The following CTNNA3 variants were observed in gnomAD, a reference collection of about 807,000 sequenced individuals.
The protein encoded by CTNNA3 is catenin alpha 3, also known as catenin alpha-3.
Under a neutral mutation model 95.7 loss-of-function variants are expected in CTNNA3, and 76 were observed. That is an observed-to-expected ratio of 0.79 (90% CI 0.66 to 0.96). The LOEUF (loss-of-function observed/expected upper bound fraction) is 0.96, where lower values mean the gene tolerates loss of function less well. Ranked by LOEUF, CTNNA3 falls within the 40% of genes least tolerant of loss-of-function variation. CTNNA3 has a pLI of 0.00. For synonymous variants in CTNNA3, 431 were observed against 374.4 expected (o/e 1.15, Z -1.74); for missense variants, 1,191 against 1,089.8 (o/e 1.09, Z -1.31).
intron 11 of CTNNA3, among the ~76,000 whole-genome samples, chr10:66,472,045 G>T (rs918461878): frequency 6.6e-6 from 1 of 151,896 alleles, no homozygotes; most frequent in Non-Finnish European, 1.5e-5. Context: ...AGATTGTTTT[G>T]TATTTTGAAA....
intron 12 of CTNNA3, among the ~76,000 whole-genome samples, chr10:66,363,065 T>C (rs2092687878): frequency 6.6e-6 from 1 of 152,222 alleles, no homozygotes; most frequent in Non-Finnish European, 1.5e-5. Context: ...ACCATTGTAT[T>C]CCTTAAGCAT....
At chr10:66,632,446 T>G (rs1398411338) in intron 9 of CTNNA3, among the ~76,000 whole-genome samples, 1 of 151,400 alleles carries the variant, frequency 6.6e-6, no homozygotes, top group Non-Finnish European at 1.5e-5. Flanking sequence ...TCCCAGCTAC[T>G]TGGGAGGCCG....
At chr10:66,982,645 T>C (rs1850506487) in intron 7 of CTNNA3, among the ~76,000 whole-genome samples, 1 of 152,064 alleles carries the variant, frequency 6.6e-6, no homozygotes, top group Non-Finnish European at 1.5e-5. Context: ...GTTAACCTTG[T>C]GAGGTTATAT....
chr10:67,611,115 T>A (rs961915518), intron 2 of CTNNA3, among the ~76,000 whole-genome samples: 3 of 152,214 alleles, frequency 2.0e-5, no homozygotes, highest in African/African-American at 7.2e-5. Flanking sequence ...CCGGACATAT[T>A]TTCAATGGTG....
At chr10:67,568,243 T>C (rs1841873892) in intron 3 of CTNNA3, among the ~76,000 whole-genome samples, 1 of 151,672 alleles carries the variant, frequency 6.6e-6, no homozygotes, top group Non-Finnish European at 1.5e-5. Context: ...TTTTTTTTTT[T>C]GCAGTAGGAA....
intron 5 of CTNNA3, among the ~76,000 whole-genome samples, chr10:67,340,045 T>G (rs1842126446): frequency 6.6e-6 from 1 of 152,190 alleles, no homozygotes; most frequent in African/African-American, 2.4e-5. Flanking sequence ...AAAATAATAT[T>G]GTTCATTAAT....
In CTNNA3 at chr10:66,121,969, T is replaced by C. The variant is rs561822652; in HGVS notation, c.1885-18720A>G. Among the ~76,000 whole-genome samples, 8 of 152,340 alleles carry C rather than the reference T, an allele frequency of 5.3e-5. No homozygotes were observed. The East Asian group carries it at 9.6e-4, about 18-fold the overall frequency. ...AATTACAAATTAAAACATATTGCTA[T>C]GGTTTTGTTATAAATACTTAATCAC... On this transcript the variant is annotated intron_variant, in intron 13 of 17. Transcript: ENST00000433211.
rs2090372122 is a variant in CTNNA3, at chr10:66,247,291, T to G, written c.1884+33179A>C. ...ACAGTAAAATAGAACATGTGGTAGA[T>G]TTCTAAGGGTTTTGACTCTAATCCC... On this transcript the variant is annotated intron_variant, in intron 13 of 17. Transcript: ENST00000433211. 2.0e-5 allele frequency among the ~76,000 whole-genome samples: 3 copies of G among 152,064 alleles called. No homozygotes were observed. The South Asian group carries it at 6.2e-4, about 32-fold the overall frequency.
intron 14 of CTNNA3, among the ~76,000 whole-genome samples, chr10:66,101,981 T>C (rs112390959): frequency 0.022 from 3,299 of 152,266 alleles, 119 homozygotes; most frequent in African/African-American, 0.075. Context: ...ATCAACATTT[T>C]TTTTAAGGAA....
intron 13 of CTNNA3, among the ~76,000 whole-genome samples, chr10:66,218,288 T>TAATC (rs1199810711): frequency 1.3e-5 from 2 of 152,186 alleles, no homozygotes; most frequent in Non-Finnish European, 2.9e-5. Flanking sequence ...CAGCCTTGTG[T>TAATC]AATCCCCTCC....
Position 66,168,206 on chromosome 10 carries a change from T to C in CTNNA3, c.1885-64957A>G, listed in dbSNP as rs138602898. ...TACTTCTATTACTTTGTAGTTCTTA[T>C]ATTGTGTCACAAATGGAAACTCCCC... On this transcript the variant is annotated intron_variant, in intron 13 of 17. Coordinates refer to ENST00000433211, the MANE Select transcript of CTNNA3 (RefSeq NM_013266.4). 1.1e-3 allele frequency among the ~76,000 whole-genome samples: 168 copies of C among 152,312 alleles called. 2 individuals are homozygous for C. In the East Asian group the frequency reaches 0.027, roughly 25 times the overall value.
At chr10:67,601,928 C>A (rs554825745) in intron 3 of CTNNA3, among the ~76,000 whole-genome samples, 46 of 152,200 alleles carry the variant, frequency 3.0e-4, no homozygotes, top group African/African-American at 1.1e-3. Context: ...AACCAAAATA[C>A]CCACATTATT....
intron 7 of CTNNA3, among the ~76,000 whole-genome samples, chr10:67,120,398 A>G (rs1157852954): frequency 1.3e-5 from 2 of 151,998 alleles, no homozygotes; most frequent in African/African-American, 4.8e-5. Context: ...ATTTTATCAT[A>G]CACATAGACT....
chr10:66,291,136 T>C (rs761927550), intron 12 of CTNNA3, among the ~76,000 whole-genome samples: 2 of 152,184 alleles, frequency 1.3e-5, no homozygotes, highest in Admixed American at 6.6e-5. Context: ...ATGTGTGGTA[T>C]GTTGAGGCTT....
At position 66,431,789 on chromosome 10, in the gene CTNNA3, C is replaced by T. The variant is rs185525396; in HGVS notation, c.1532-52437G>A. 2.7e-4 allele frequency among the ~76,000 whole-genome samples: 41 copies of T among 151,018 alleles called. 1 individual carries two copies. In the East Asian group the frequency reaches 6.9e-3, roughly 26 times the overall value. On this transcript the variant is annotated intron_variant, in intron 11 of 17. Coordinates refer to ENST00000433211, the MANE Select transcript of CTNNA3 (RefSeq NM_013266.4). ...GGAGGGATAGCATTAGGAGATACAC[C>T]TAATGTTAAATGACCAGTTAATGGG...
chr10:67,145,584 C>T (rs1370759069), intron 7 of CTNNA3, among the ~76,000 whole-genome samples: 1 of 151,858 alleles, frequency 6.6e-6, no homozygotes, highest in Non-Finnish European at 1.5e-5. Context: ...GTGCACACCA[C>T]CATGCCTGGC....
chr10:66,569,648 G>A (rs1019963036), intron 10 of CTNNA3, among the ~76,000 whole-genome samples: 1 of 151,974 alleles, frequency 6.6e-6, no homozygotes, highest in Non-Finnish European at 1.5e-5. Context: ...CATCCTGTTG[G>A]GTCCCAGAGA....
At chr10:66,682,718 T>C (rs1344550647) in intron 9 of CTNNA3, among the ~76,000 whole-genome samples, 2 of 151,922 alleles carry the variant, frequency 1.3e-5, no homozygotes, top group South Asian at 2.1e-4. Context: ...TGTACAGGTT[T>C]GTTATATGGG....
chr10:66,930,269 T>G (rs1240205575), intron 7 of CTNNA3, among the ~76,000 whole-genome samples: 2 of 152,216 alleles, frequency 1.3e-5, no homozygotes, highest in African/African-American at 4.8e-5. Flanking sequence ...TTAGTTACAA[T>G]GTTTACCCAT....
Sources: allele counts gnomAD v4.1 joint callset (sites outside exome capture counted in the v4.1 genomes callset), GRCh38; gene constraint gnomAD v4.1.1; transcripts MANE v1.5; gene names NCBI Gene and HGNC (gene_info 2026-07-23, HGNC 2026-07-21).